Variants in GCKR observed in about 807,000 individuals in gnomAD.
The protein encoded by GCKR is glucokinase regulator, also known as glucokinase regulatory protein.
Under a neutral mutation model 82.9 loss-of-function variants are expected in GCKR, and 73 were observed. That is an observed-to-expected ratio of 0.88 (90% CI 0.73 to 1.07). The LOEUF is 1.07. Among genes scored for constraint, GCKR ranks in the 50% least tolerant of loss-of-function variants. GCKR has a pLI of 0.00. For missense variants in GCKR, 784 were observed against 782.1 expected (o/e 1.00, Z -0.03); for synonymous variants, 294 against 291.8 (o/e 1.01, Z -0.08).
chr2:27,498,160 C>T, intron 3 of GCKR, 95 bp from the exon 4 acceptor site: 1 of 957,468 alleles, frequency 1.0e-6, no homozygotes, highest in Non-Finnish European at 1.7e-6. Flanking sequence ...GATAAGGAGT[C>T]TTTCCAATTC....
At chr2:27,516,329 T>C (rs1670008387) in intron 16 of GCKR, among the ~76,000 whole-genome samples, 1 of 148,088 alleles carries the variant, frequency 6.8e-6, no homozygotes, top group African/African-American at 2.5e-5. Context: ...CTCATTCTGT[T>C]GCCCAAGTTG....
Position 27,497,246 on chromosome 2 carries a change from G to C in GCKR, c.63G>C (p.Leu21Phe), listed in dbSNP as rs759815218. 23 of 1,614,016 alleles carry C rather than the reference G, an allele frequency of 1.4e-5. No individual in the cohort carries two copies. The highest frequency in any genetic ancestry group is 9.9e-5 in the South Asian group (9 of 91,088). ...IETPEPGKWE[L>F]SGYEAAVPIT... ...TCCTTGTCCCCTCTTCCTTCTAGTT[G>C]TCTGGGTACGAGGCAGCTGTGCCAA... is the stretch of plus-strand genomic sequence containing the variant. The change falls in exon 2 of 19, where the codon TTG (leucine) becomes TTC (phenylalanine). Residue 21 changes from leucine (L) to phenylalanine (F), a missense_variant and splice_region_variant. By Grantham distance (22) the Leu-to-Phe change is conservative (BLOSUM62 0). Coordinates refer to ENST00000264717, the MANE Select transcript of GCKR (RefSeq NM_001486.4).
At chr2:27,505,974 A>T in intron 10 of GCKR, 138 bp downstream of exon 10, 1 of 741,796 alleles carries the variant, frequency 1.3e-6, no homozygotes, top group Non-Finnish European at 2.5e-6. Context: ...CTGGGAAGGG[A>T]GCTGGGTAGT....
At position 27,498,724 on chromosome 2, in the gene GCKR, G is replaced by A; in HGVS notation, c.355G>A (p.Val119Met). The A allele has an allele frequency of 6.3e-7, 1 of 1,582,528 alleles. No individual in the cohort carries two copies. Among genetic ancestry groups the A allele is most frequent in the Non-Finnish European group, 8.7e-7 (1 of 1,151,210 alleles). Reference sequence around the variant, plus strand: ...TTTACATCCTCTCCCTGCTTGACAGGTGTCCTTTAATCAGCTGATGAAAGG... The same window carrying A: ...TTTACATCCTCTCCCTGCTTGACAGATGTCCTTTAATCAGCTGATGAAAGG... ...TSGRMAFLMSVSFNQLMKGLG... is the reference protein window; with the variant it reads ...TSGRMAFLMSMSFNQLMKGLG... The change falls in exon 5 of 19, where the codon GTG (valine) becomes ATG (methionine). Residue 119 changes from valine (V) to methionine (M), a missense_variant and splice_region_variant. Transcript: ENST00000264717.
At chr2:27,519,022 A>G in intron 17 of GCKR, 85 bp downstream of exon 17, 1 of 1,247,618 alleles carries the variant, frequency 8.0e-7, no homozygotes, top group Non-Finnish European at 1.2e-6. Flanking sequence ...GAGATATGGA[A>G]ATGTGCAAGG....
rs780900408 is a variant in GCKR, at chr2:27,506,873, A to G, written c.1054A>G (p.Thr352Ala). 5.6e-6 allele frequency: 9 copies of G among 1,600,342 alleles called. No individual in the cohort carries two copies. The South Asian group carries it at 8.8e-5, about 16-fold the overall frequency. Reference sequence around the variant, plus strand: ...CATGGATGGAGTAGAGTGCATCCACACCTTTGGTGCTGGTGGGACCCCAGT... The same window carrying G: ...CATGGATGGAGTAGAGTGCATCCACGCCTTTGGTGCTGGTGGGACCCCAGT... ...AIMDGVECIH[T>A]FGADFRDVRG... Residue 352 changes from threonine to alanine, a missense_variant, in exon 12 of 19, where the codon ACC (threonine) becomes GCC (alanine). Transcript: ENST00000264717.
intron 5 of GCKR, 45 bp downstream of exon 5, chr2:27,498,842 A>G (rs768886978): frequency 3.6e-6 from 4 of 1,108,044 alleles, no homozygotes; most frequent in Non-Finnish European, 5.6e-6. Context: ...CCTAAATAGT[A>G]TTTCTTAGAA....
At chr2:27,498,202 C>T in intron 3 of GCKR, 53 bp from the exon 4 acceptor site, 1 of 1,332,512 alleles carries the variant, frequency 7.5e-7, no homozygotes, top group African/African-American at 1.4e-5. Flanking sequence ...AAAGAATATT[C>T]TTCTCCCAAC....
Position 27,522,484 on chromosome 2 carries a change from C to G in GCKR, c.1597C>G (p.Arg533Gly). Residue 533 changes from arginine (R) to glycine (G), a missense_variant, in exon 18 of 19, where the codon CGA (arginine) becomes GGA (glycine). By Grantham distance (125) the Arg-to-Gly change is moderately radical. Transcript: ENST00000264717. ...LQRFSGQSKA[R>G]CIESLLRAIH... ...GCGGTTCTCTGGACAGTCCAAGGCT[C>G]GATGCATCGAGAGCCTCCTCCGAGC... The G allele has an allele frequency of 1.2e-6, 2 of 1,613,704 alleles. No homozygotes were observed. The highest frequency in any genetic ancestry group is 1.7e-6 in the Non-Finnish European group (2 of 1,179,658).
chr2:27,506,750 G>A (rs372469894), intron 11 of GCKR, 38 bp from the exon 12 acceptor site: 27 of 1,347,762 alleles, frequency 2.0e-5, no homozygotes, highest in Middle Eastern at 1.8e-4. Flanking sequence ...CTCTTTGCAC[G>A]GTGATCTCTC....
rs368407661 is a variant in GCKR at position 27,501,119 on chromosome 2, C to G, written c.550-16C>G. The G allele has an allele frequency of 7.6e-6, 12 of 1,583,872 alleles. No individual in the cohort carries two copies. The Admixed American group carries it at 1.2e-4, about 15-fold the overall frequency. The stretch of plus-strand genomic sequence containing the variant: ...AATGACCCCCTCATCATGCCCTTCT[C>G]TCTCTTCACCATCAGGCTCCCTTTG... On this transcript the variant is annotated splice_polypyrimidine_tract_variant and intron_variant, in intron 7 of 18. Transcript: ENST00000264717.
Position 27,522,493 on chromosome 2 carries a change from G to A in GCKR, c.1606G>A (p.Glu536Lys), listed in dbSNP as rs772997882. The A allele has an allele frequency of 9.3e-6, 15 of 1,613,458 alleles. No homozygotes were observed. In the East Asian group the frequency reaches 1.1e-4, roughly 12 times the overall value. Reference sequence around the variant, plus strand: ...TGGACAGTCCAAGGCTCGATGCATCGAGAGCCTCCTCCGAGCGATCCACTT... The same window carrying A: ...TGGACAGTCCAAGGCTCGATGCATCAAGAGCCTCCTCCGAGCGATCCACTT... Reference protein sequence around the residue: ...FSGQSKARCIESLLRAIHFPQ... With the variant: ...FSGQSKARCIKSLLRAIHFPQ... Residue 536 changes from glutamate to lysine, a missense_variant, in exon 18 of 19, where the codon GAG becomes AAG. Transcript: ENST00000264717.
intron 10 of GCKR, 92 bp downstream of exon 10, chr2:27,505,928 C>G: frequency 1.2e-6 from 1 of 801,330 alleles, no homozygotes; most frequent in Non-Finnish European, 2.2e-6. Context: ...AAGGACTGGG[C>G]TGGTGGCAGT....
intron 16 of GCKR, among the ~76,000 whole-genome samples, chr2:27,516,176 T>C (rs1381644328): frequency 6.6e-6 from 1 of 152,012 alleles, no homozygotes; most frequent in East Asian, 1.9e-4. Context: ...TTATGGACTT[T>C]CTATTCTGTT....
At chr2:27,506,307 G>A (rs532835043) in intron 10 of GCKR, among the ~76,000 whole-genome samples, 174 bp from the exon 11 acceptor site, 1 of 152,112 alleles carries the variant, frequency 6.6e-6, no homozygotes, top group Admixed American at 6.6e-5. Flanking sequence ...GCCCATTGAA[G>A]AAGCCCTTGC....
intron 16 of GCKR, among the ~76,000 whole-genome samples, chr2:27,514,068 G>C (rs1669947776): frequency 4.0e-5 from 6 of 151,792 alleles, no homozygotes; most frequent in African/African-American, 7.3e-5. Flanking sequence ...ACCTGATCTT[G>C]TTAGTGGGTT....
At chr2:27,507,886 G>T (rs1669788099) in intron 14 of GCKR, 91 bp from the exon 15 acceptor site, 1 of 1,138,202 alleles carries the variant, frequency 8.8e-7, no homozygotes, top group South Asian at 1.2e-5. Flanking sequence ...GGAGGGACGG[G>T]GTGAATATCC....
In GCKR at chr2:27,518,948, GAT is replaced by G; in HGVS notation, c.1572+12_1572+13del. Reference sequence around the variant, plus strand: ...CTGGCCATGCTGCAGGTAGGGATATGATGGGGCAGGGTTGGGTGGGACCTGGC... The same window carrying G: ...CTGGCCATGCTGCAGGTAGGGATATGGGGGCAGGGTTGGGTGGGACCTGGC... On this transcript the variant is annotated intron_variant, in intron 17 of 18. Coordinates refer to ENST00000264717, the MANE Select transcript of GCKR (RefSeq NM_001486.4). 1 of 1,019,774 alleles carries G rather than the reference GAT, an allele frequency of 9.8e-7. No homozygotes were observed. The highest frequency in any genetic ancestry group is 1.2e-5 in the South Asian group (1 of 80,206). The allele number at this position is 1,019,774 out of a possible 1,614,324, so 63.2% of individuals were successfully genotyped here.
chr2:27,497,408 G>C lies in GCKR; in HGVS notation c.216+9G>C, dbSNP rs1458856970. ...CCCTGTCCACATACCAGGTAACCAA[G>C]ACCCAAGACCTGGACCCTGGAAATA... On this transcript the variant is annotated intron_variant, in intron 2 of 18. Coordinates refer to ENST00000264717, the MANE Select transcript of GCKR (RefSeq NM_001486.4). 1.9e-6 allele frequency: 3 copies of C among 1,592,694 alleles called. No homozygotes were observed. The African/African-American group carries it at 5.3e-5, about 28-fold the overall frequency.
Sources: gnomAD v4.1 joint callset for allele counts (sites outside exome capture counted in the v4.1 genomes callset) on GRCh38, gnomAD v4.1.1 for gene constraint, MANE v1.5 for transcripts, NCBI Gene and HGNC (gene_info 2026-07-23, HGNC 2026-07-21) for gene names.